The following ANTXR2 variants were observed in gnomAD, a reference collection of about 807,000 sequenced individuals.
ANTXR2 encodes ANTXR cell adhesion molecule 2, also known as anthrax toxin receptor 2.
A neutral mutation model predicts 73.7 loss-of-function variants in ANTXR2; 44 were observed. That is an observed-to-expected ratio of 0.60 (90% CI 0.47 to 0.77). The LOEUF (loss-of-function observed/expected upper bound fraction) is 0.77. Among genes scored for constraint, ANTXR2 ranks in the 30% least tolerant of loss-of-function variants. The pLI, the probability that ANTXR2 is intolerant of heterozygous loss-of-function variation, is 0.00. For missense variants in ANTXR2, 604 were observed against 592.5 expected, an observed-to-expected ratio of 1.02 and a Z score of -0.20; for synonymous variants, 217 against 205.9, an observed-to-expected ratio of 1.05 and a Z score of -0.46.
At chr4:79,981,888 A>T (rs562060263) in intron 14 of ANTXR2, among the ~76,000 whole-genome samples, 1 of 152,296 alleles carries the variant, frequency 6.6e-6, no homozygotes, top group African/African-American at 2.4e-5. Flanking sequence ...TCAACTGAAA[A>T]GGATGTGTGG....
chr4:79,986,198 G>A (rs979854237), intron 12 of ANTXR2, among the ~76,000 whole-genome samples: 1 of 152,080 alleles, frequency 6.6e-6, no homozygotes, highest in Non-Finnish European at 1.5e-5. Flanking sequence ...CATCGTGATG[G>A]AAAATCTTTG....
intron 11 of ANTXR2, among the ~76,000 whole-genome samples, chr4:80,015,984 AAAG>A (rs1731848338): frequency 1.3e-5 from 2 of 148,824 alleles, no homozygotes; most frequent in South Asian, 4.3e-4. Context: ...AAAGGAAAGG[AAAG>A]GAAAGGAAAG....
At chr4:79,920,378 A>C (rs1727547995) in intron 16 of ANTXR2, among the ~76,000 whole-genome samples, 1 of 152,108 alleles carries the variant, frequency 6.6e-6, no homozygotes, top group Non-Finnish European at 1.5e-5. Context: ...GCCTCCTCTG[A>C]TCAATCTTGG....
chr4:79,989,996 C>T (rs1730388166), intron 12 of ANTXR2, among the ~76,000 whole-genome samples: 3 of 151,858 alleles, frequency 2.0e-5, no homozygotes, highest in Non-Finnish European at 4.4e-5. Context: ...TAGTAAGAAC[C>T]ATCTATGATA....
chr4:79,908,216 T>C (rs1726995765), intron 16 of ANTXR2, among the ~76,000 whole-genome samples: 1 of 152,206 alleles, frequency 6.6e-6, no homozygotes, highest in Non-Finnish European at 1.5e-5. Context: ...TGATCCACTG[T>C]ACCACCTAAA....
chr4:79,933,951 G>C (rs1040996345), intron 16 of ANTXR2, among the ~76,000 whole-genome samples: 3 of 151,916 alleles, frequency 2.0e-5, no homozygotes, highest in African/African-American at 7.3e-5. Flanking sequence ...TGTTAGGGAA[G>C]ATGGTCTCGA....
At chr4:80,007,447 T>C (rs1191508664) in intron 12 of ANTXR2, among the ~76,000 whole-genome samples, 1 of 152,156 alleles carries the variant, frequency 6.6e-6, no homozygotes, top group African/African-American at 2.4e-5. Context: ...TTGAAATGTG[T>C]AGAATGATAC....
At chr4:79,956,863 C>A (rs964515907) in intron 16 of ANTXR2, among the ~76,000 whole-genome samples, 2 of 151,912 alleles carry the variant, frequency 1.3e-5, no homozygotes, top group African/African-American at 4.8e-5. Context: ...AGACCCCGGG[C>A]AAATCAAGAA....
chr4:80,011,301 A>G (rs534214020), intron 11 of ANTXR2, among the ~76,000 whole-genome samples: 252 of 151,178 alleles, frequency 1.7e-3, no homozygotes, highest in African/African-American at 6.0e-3. Context: ...CTATCTATCT[A>G]TCTATCTATC....
intron 11 of ANTXR2, among the ~76,000 whole-genome samples, chr4:80,012,660 C>T (rs892923910): frequency 2.0e-5 from 3 of 152,108 alleles, no homozygotes; most frequent in African/African-American, 7.2e-5. Flanking sequence ...GGGAGACAGA[C>T]GTGGGTTCAA....
chr4:80,018,281 C>T (rs570910423), intron 11 of ANTXR2, among the ~76,000 whole-genome samples: 3 of 152,044 alleles, frequency 2.0e-5, no homozygotes, highest in Non-Finnish European at 2.9e-5. Flanking sequence ...AATATTGAAA[C>T]TTTCTATAAA....
At chr4:79,955,808 C>T (rs1037132320) in intron 16 of ANTXR2, among the ~76,000 whole-genome samples, 1 of 152,148 alleles carries the variant, frequency 6.6e-6, no homozygotes, top group African/African-American at 2.4e-5. Flanking sequence ...CCCTGACTCC[C>T]AATGCAGTGT....
At chr4:79,919,993 G>A (rs1175960171) in intron 16 of ANTXR2, among the ~76,000 whole-genome samples, 1 of 148,304 alleles carries the variant, frequency 6.7e-6, no homozygotes, top group African/African-American at 2.5e-5. Flanking sequence ...GGAGAAAACA[G>A]ATGTAAATAT....
At chr4:80,056,151 G>T in intron 3 of ANTXR2, 138 bp from the exon 4 acceptor site, 1 of 512,014 alleles carries the variant, frequency 2.0e-6, no homozygotes, top group Non-Finnish European at 3.3e-6. Flanking sequence ...TTTGAAGGCA[G>T]ATAACTTCAT....
intron 16 of ANTXR2, among the ~76,000 whole-genome samples, chr4:79,927,660 T>A (rs1727873762): frequency 6.6e-6 from 1 of 152,200 alleles, no homozygotes; most frequent in Admixed American, 6.5e-5. Context: ...AACCCACAGA[T>A]AAGAAGGACT....
intron 7 of ANTXR2, 99 bp downstream of exon 7, chr4:80,054,173 T>A: frequency 1.1e-6 from 1 of 884,060 alleles, no homozygotes. Context: ...CTCTTTCCTC[T>A]AGATAATGAC....
chr4:79,948,330 G>A (rs1305606653), intron 16 of ANTXR2, among the ~76,000 whole-genome samples: 4 of 152,034 alleles, frequency 2.6e-5, no homozygotes, highest in African/African-American at 9.7e-5. Context: ...CAATAAGCAC[G>A]TAAATATAAA....
At chr4:79,964,110 C>T (rs1183110417) in intron 16 of ANTXR2, among the ~76,000 whole-genome samples, 1 of 152,160 alleles carries the variant, frequency 6.6e-6, no homozygotes, top group Non-Finnish European at 1.5e-5. Context: ...ACGAGTGTTA[C>T]TAGGATTCTT....
At chr4:79,966,494 C>A (rs1729371220) in intron 16 of ANTXR2, among the ~76,000 whole-genome samples, 1 of 152,062 alleles carries the variant, frequency 6.6e-6, no homozygotes, top group Non-Finnish European at 1.5e-5. Flanking sequence ...TTAGCTGTGC[C>A]AAATATACTC....
Sources: allele counts gnomAD v4.1 joint callset (sites outside exome capture counted in the v4.1 genomes callset), GRCh38; gene constraint gnomAD v4.1.1; transcripts MANE v1.5; gene names NCBI Gene and HGNC (gene_info 2026-07-23, HGNC 2026-07-21).